The following BNC2 variants were observed in gnomAD, a reference collection of about 807,000 sequenced individuals.
BNC2 encodes basonuclin zinc finger protein 2.
A neutral mutation model predicts 76.3 loss-of-function variants in BNC2; 20 were observed. That is an observed-to-expected ratio of 0.26 (90% CI 0.18 to 0.38). BNC2 has a LOEUF of 0.38. Ranked by LOEUF, BNC2 falls within the 10% of genes least tolerant of loss-of-function variation. The pLI is 1.00. For synonymous variants in BNC2, 582 were observed against 514.8 expected, an observed-to-expected ratio of 1.13 and a Z score of -1.77; for missense variants, 1,382 against 1,399.8, an observed-to-expected ratio of 0.99 and a Z score of 0.20.
intron 5 of BNC2, among the ~76,000 whole-genome samples, chr9:16,452,187 G>GT (rs1024913966): frequency 6.6e-6 from 1 of 152,136 alleles, no homozygotes; most frequent in African/African-American, 2.4e-5. Flanking sequence ...AATCTTCATT[G>GT]TTTTTTCCCC....
chr9:16,588,124 TAACAATGACATTGC>T (rs900233451), intron 3 of BNC2, among the ~76,000 whole-genome samples: 1 of 152,152 alleles, frequency 6.6e-6, no homozygotes, highest in Non-Finnish European at 1.5e-5. Flanking sequence ...AAAATGATAG[TAACAATGACATTGC>T]AACAGTGGCA....
chr9:16,512,058 T>C (rs7044305), intron 5 of BNC2, among the ~76,000 whole-genome samples: 4,757 of 152,302 alleles, frequency 0.031, 189 homozygotes, highest in South Asian at 0.14. Context: ...AATCTATTGA[T>C]CTATTTTACC....
At chr9:16,544,759 G>A (rs1360055090) in intron 5 of BNC2, among the ~76,000 whole-genome samples, 2 of 149,542 alleles carry the variant, frequency 1.3e-5, no homozygotes, top group Non-Finnish European at 3.0e-5. Flanking sequence ...GCAGTGAGCC[G>A]AGATCATGTC....
At chr9:16,529,106 A>C (rs1817900081) in intron 5 of BNC2, among the ~76,000 whole-genome samples, 1 of 152,128 alleles carries the variant, frequency 6.6e-6, no homozygotes. Flanking sequence ...CTAATATCTT[A>C]CACGGATACA....
At chr9:16,452,080 C>CCAAT (rs1227903122) in intron 5 of BNC2, among the ~76,000 whole-genome samples, 1 of 152,134 alleles carries the variant, frequency 6.6e-6, no homozygotes, top group African/African-American at 2.4e-5. Context: ...TTCCCCAGGA[C>CCAAT]CAATGGTGCA....
chr9:16,536,566 A>G (rs1818136432), intron 5 of BNC2, among the ~76,000 whole-genome samples: 1 of 151,816 alleles, frequency 6.6e-6, no homozygotes, highest in Non-Finnish European at 1.5e-5. Context: ...TGACATGGAG[A>G]AAAAAAATTC....
chr9:16,667,235 A>G (rs1387750596), intron 3 of BNC2, among the ~76,000 whole-genome samples: 1 of 152,196 alleles, frequency 6.6e-6, no homozygotes. Context: ...TTGTAATAAT[A>G]GCATCCATTT....
At chr9:16,584,511 A>G (rs549657931) in intron 3 of BNC2, among the ~76,000 whole-genome samples, 1 of 152,298 alleles carries the variant, frequency 6.6e-6, no homozygotes, top group East Asian at 1.9e-4. Context: ...TGTAGACTCC[A>G]TTCATACTTC....
At position 16,416,707 on chromosome 9, in the gene BNC2, T is replaced by C. The variant is rs562838441; in HGVS notation, c.*2282A>G. ...AAATGAAGAATTAAAATGGACCCCA[T>C]AGCATCCTCTGAAGGAGGTGAAAAG... On this transcript the variant is annotated 3_prime_UTR_variant, in exon 7 of 7. Transcript: ENST00000380672. 16 of 152,750 alleles carry C rather than the reference T, an allele frequency of 1.0e-4. 1 individual carries two copies. Among genetic ancestry groups the C allele is most frequent in the Admixed American group, 3.9e-4 (6 of 15,298 alleles). 9.5% of individuals were successfully genotyped at this position (152,750 alleles called of 1,614,324 possible). A position where few individuals can be genotyped will look rare whatever the true frequency, so the allele number is the denominator to read the frequency against.
chr9:16,490,722 T>A (rs987189650), intron 5 of BNC2, among the ~76,000 whole-genome samples: 3 of 152,046 alleles, frequency 2.0e-5, no homozygotes, highest in Admixed American at 1.3e-4. Flanking sequence ...TATTCTACAC[T>A]CCCTGAAGAA....
intron 3 of BNC2, among the ~76,000 whole-genome samples, chr9:16,671,626 G>C (rs1374483709): frequency 6.6e-6 from 1 of 152,112 alleles, no homozygotes; most frequent in Non-Finnish European, 1.5e-5. Flanking sequence ...AGCTCATACT[G>C]TTTACTCAGC....
Position 16,643,239 on chromosome 9 carries a change from G to A in BNC2, c.331-60154C>T, listed in dbSNP as rs1001356395. 4.6e-5 allele frequency among the ~76,000 whole-genome samples: 7 copies of A among 151,378 alleles called. No homozygotes were observed. In the South Asian group the frequency reaches 1.3e-3, roughly 27 times the overall value. The stretch of plus-strand genomic sequence containing the variant: ...GAGAATCGCTTGAACCTGGGAAGTG[G>A]AGGTTGCAGTGAGCCAAGATCACGA... On this transcript the variant is annotated intron_variant, in intron 3 of 6. Coordinates refer to ENST00000380672, the MANE Select transcript of BNC2 (RefSeq NM_017637.6).
chr9:16,667,273 GCTGT>G (rs1822328042), intron 3 of BNC2, among the ~76,000 whole-genome samples: 1 of 152,184 alleles, frequency 6.6e-6, no homozygotes. Flanking sequence ...AATTTGGAGT[GCTGT>G]CTATGTTTAT....
In BNC2 at chr9:16,419,477, G is replaced by C. The variant is rs766109513; in HGVS notation, c.2812C>G (p.Pro938Ala). ...GLDVREDASS[P>A]AGTEDSHLNG... is the part of the protein sequence containing the mutation. ...AGGTGGGAGTCTTCAGTCCCTGCGG[G>C]AGAGGAGGCGTCTTCCCTGACATCG... is the stretch of plus-strand genomic sequence containing the variant. Residue 938 changes from proline (P) to alanine (A), a missense_variant, in exon 7 of 7, where the codon CCC (proline) becomes GCC (alanine). Coordinates refer to ENST00000380672, the MANE Select transcript of BNC2 (RefSeq NM_017637.6). 4 of 1,614,108 alleles carry C rather than the reference G, an allele frequency of 2.5e-6. No individual in the cohort carries two copies. Among genetic ancestry groups the C allele is most frequent in the Non-Finnish European group, 3.4e-6 (4 of 1,180,000 alleles).
chr9:16,586,892 T>C (rs906046953), intron 3 of BNC2, among the ~76,000 whole-genome samples: 1 of 152,186 alleles, frequency 6.6e-6, no homozygotes, highest in African/African-American at 2.4e-5. Context: ...CTATCTCCTA[T>C]GCATTATTCC....
intron 3 of BNC2, among the ~76,000 whole-genome samples, chr9:16,650,459 A>G (rs542419940): frequency 6.6e-6 from 1 of 152,288 alleles, no homozygotes; most frequent in East Asian, 1.9e-4. Flanking sequence ...TCTTCCCTGT[A>G]CACTCAAGGT....
chr9:16,410,000 A>G lies in BNC2; in HGVS notation c.*8989T>C, dbSNP rs755876690. 2.0e-5 allele frequency: 3 copies of G among 152,256 alleles called. No individual in the cohort carries two copies. Among genetic ancestry groups the G allele is most frequent in the Admixed American group, 6.5e-5 (1 of 15,288 alleles). The allele number at this position is 152,256 out of a possible 1,614,324, so 9.4% of individuals were successfully genotyped here. ...TTAGTGAAAATTCCTTTTCTTCAAG[A>G]TATTTCAACTCCCTCTGGCCACTTT... is the stretch of plus-strand genomic sequence containing the variant. On this transcript the variant is annotated 3_prime_UTR_variant, in exon 7 of 7. Coordinates refer to ENST00000380672, the MANE Select transcript of BNC2 (RefSeq NM_017637.6).
At chr9:16,457,305 G>A (rs951551561) in intron 5 of BNC2, among the ~76,000 whole-genome samples, 2 of 151,990 alleles carry the variant, frequency 1.3e-5, no homozygotes, top group African/African-American at 4.8e-5. Flanking sequence ...GTTAGTTTTG[G>A]GGGGACTAAC....
chr9:16,764,651 C>CT (rs2135407715), intron 1 of BNC2, among the ~76,000 whole-genome samples: 1 of 151,820 alleles, frequency 6.6e-6, no homozygotes, highest in East Asian at 1.9e-4. Context: ...CATTTCCTTT[C>CT]TTGAAACTAC....
Sources: allele counts gnomAD v4.1 joint callset (sites outside exome capture counted in the v4.1 genomes callset), GRCh38; gene constraint gnomAD v4.1.1; transcripts MANE v1.5; gene names NCBI Gene and HGNC (gene_info 2026-07-23, HGNC 2026-07-21).